The following PIWIL1 variants were observed in gnomAD, a reference collection of about 807,000 sequenced individuals.
PIWIL1 encodes the protein piwi like RNA-mediated gene silencing 1.
PIWIL1 carries 73 observed loss-of-function variants against 114.4 expected under a neutral mutation model. The ratio of observed to expected loss-of-function variants is 0.64; its 90% CI spans 0.53 to 0.78. The LOEUF (loss-of-function observed/expected upper bound fraction) is 0.78. PIWIL1 is among the 30% of genes least tolerant of loss of function. PIWIL1 has a pLI of 0.00. For missense variants in PIWIL1, 723 were observed against 1,063.1 expected (o/e 0.68, Z 4.45); for synonymous variants, 375 against 369.0 (o/e 1.02, Z -0.19).
the PIWIL1 span, among the ~76,000 whole-genome samples, chr12:130,377,761 G>A: frequency 1.3e-5 from 2 of 152,200 alleles, no homozygotes; most frequent in African/African-American, 4.8e-5. Context: ...GCTGTGGCAG[G>A]GCCTGAGGTA....
At chr12:130,399,661 C>G in the PIWIL1 span, 8 of 1,613,690 alleles carry the variant, frequency 5.0e-6, no homozygotes, top group South Asian at 6.6e-5. Context: ...ATTAAAAAGG[C>G]TAAATAGGTT....
the PIWIL1 span, among the ~76,000 whole-genome samples, chr12:130,380,012 G>C: frequency 2.8e-3 from 165 of 58,672 alleles, no homozygotes; most frequent in Admixed American, 0.013. Flanking sequence ...CCTCATCCCA[G>C]TTCCCATCCA....
chr12:130,416,849 A>G, the PIWIL1 span, among the ~76,000 whole-genome samples: 2 of 152,242 alleles, frequency 1.3e-5, no homozygotes, highest in South Asian at 4.1e-4. Context: ...GGAATCTGCA[A>G]GGAACTTAAA....
chr12:130,386,103 G>T, the PIWIL1 span, among the ~76,000 whole-genome samples: 1 of 152,168 alleles, frequency 6.6e-6, no homozygotes, highest in South Asian at 2.1e-4. Flanking sequence ...GTTGTGGTTT[G>T]CTTCAGACTT....
chr12:130,400,412 T>G, the PIWIL1 span, among the ~76,000 whole-genome samples: 2 of 152,202 alleles, frequency 1.3e-5, no homozygotes, highest in Non-Finnish European at 2.9e-5. Context: ...TATATATCCT[T>G]CCAGATCTTT....
chr12:130,349,760 T>C, intron 8 of PIWIL1, 96 bp from the exon 9 acceptor site: 1 of 734,480 alleles, frequency 1.4e-6, no homozygotes, highest in South Asian at 2.0e-5. Flanking sequence ...ACCAGGTGAT[T>C]TGAAATTTTA....
intron 18 of PIWIL1, among the ~76,000 whole-genome samples, chr12:130,364,103 A>G (rs1285411337): frequency 6.6e-6 from 1 of 152,198 alleles, no homozygotes; most frequent in East Asian, 1.9e-4. Flanking sequence ...AGTTACGTTA[A>G]CTAGTCCTCT....
the PIWIL1 span, among the ~76,000 whole-genome samples, chr12:130,422,999 C>T: frequency 3.3e-5 from 5 of 152,178 alleles, no homozygotes; most frequent in Admixed American, 2.0e-4. The surrounding 1 kb of genome is among the most constrained non-coding windows in gnomAD (Gnocchi z 5.2). Context: ...GGATAAAAGT[C>T]GTATGTGAGG....
intron 19 of PIWIL1, among the ~76,000 whole-genome samples, chr12:130,369,833 G>A (rs1222762751): frequency 6.6e-6 from 1 of 152,132 alleles, no homozygotes; most frequent in Non-Finnish European, 1.5e-5. Context: ...CATTCTGCAG[G>A]TTGTCTGTTC....
chr12:130,371,205 T>C lies in PIWIL1; in HGVS notation c.2351T>C (p.Val784Ala). The C allele has an allele frequency of 6.2e-7, 1 of 1,614,206 alleles. No individual in the cohort carries two copies. The highest frequency in any genetic ancestry group is 1.1e-5 in the South Asian group (1 of 91,080). ...WYDFFIVSQA[V>A]RSGSVSPTHY... ...GACTTTTTTATCGTGAGCCAGGCTG[T>C]GAGAAGTGGTAGTGTTTCTCCCACA... Residue 784 changes from valine (V) to alanine (A), a missense_variant, in exon 20 of 21, where the codon GTG (valine) becomes GCG (alanine). By Grantham distance (64) the Val-to-Ala change is moderately conservative (BLOSUM62 0). Coordinates refer to ENST00000245255, the MANE Select transcript of PIWIL1 (RefSeq NM_004764.5).
chr12:130,412,610 T>G, the PIWIL1 span: 1 of 1,613,016 alleles, frequency 6.2e-7, no homozygotes, highest in Admixed American at 1.7e-5. Flanking sequence ...AATAGGGGTT[T>G]GCGCTTACCT....
chr12:130,339,795 C>G (rs1477735219), intron 1 of PIWIL1: 1 of 152,132 alleles, frequency 6.6e-6, no homozygotes, highest in Non-Finnish European at 1.5e-5. Flanking sequence ...GCTTCTAACT[C>G]GGGAGGGCTG....
the PIWIL1 span, among the ~76,000 whole-genome samples, chr12:130,381,930 C>T: frequency 1.4e-3 from 211 of 152,310 alleles, 1 homozygote; most frequent in African/African-American, 4.2e-3. Context: ...CCTATGCACA[C>T]TTGCCATCTG....
downstream of PIWIL1, among the ~76,000 whole-genome samples, chr12:130,374,412 T>C (rs1463417503): frequency 4.6e-5 from 7 of 152,240 alleles, no homozygotes; most frequent in African/African-American, 7.2e-5. Flanking sequence ...TTAATTTTCT[T>C]TACCTTCATT....
chr12:130,388,239 G>A, the PIWIL1 span, among the ~76,000 whole-genome samples: 131 of 152,140 alleles, frequency 8.6e-4, no homozygotes, highest in East Asian at 6.2e-3. Context: ...TCAGCCTCCC[G>A]AGTAGCTGGG....
At position 130,371,831 on chromosome 12, in the gene PIWIL1, T is replaced by A. The variant is rs2073823565; in HGVS notation, c.*233T>A. 2 of 284,300 alleles carry A rather than the reference T, an allele frequency of 7.0e-6. No homozygotes were observed. Among genetic ancestry groups the A allele is most frequent in the Non-Finnish European group, 1.3e-5 (2 of 153,178 alleles). 17.6% of individuals were successfully genotyped at this position (284,300 alleles called of 1,614,324 possible). ...TTCTCATAGATATTTTGTGAGCATT[T>A]TTTTGTTTATTTTGAAGAAATGTGG... On this transcript the variant is annotated 3_prime_UTR_variant, in exon 21 of 21. Coordinates refer to ENST00000245255, the MANE Select transcript of PIWIL1 (RefSeq NM_004764.5).
chr12:130,387,617 C>T, the PIWIL1 span, among the ~76,000 whole-genome samples: 2 of 133,224 alleles, frequency 1.5e-5, no homozygotes, highest in Non-Finnish European at 3.2e-5. Context: ...GCACACTACC[C>T]CTTCCTGTCT....
the PIWIL1 span, among the ~76,000 whole-genome samples, chr12:130,395,372 A>AAT: frequency 3.9e-5 from 6 of 152,216 alleles, no homozygotes; most frequent in Non-Finnish European, 8.8e-5. Flanking sequence ...TGGAATGAGT[A>AAT]ATTAAATGTG....
At chr12:130,369,933 G>A (rs1459035675) in intron 19 of PIWIL1, among the ~76,000 whole-genome samples, 1 of 152,084 alleles carries the variant, frequency 6.6e-6, no homozygotes, top group Non-Finnish European at 1.5e-5. Flanking sequence ...CAACTGAGAA[G>A]CCCGCTCTTA....
Sources: allele counts gnomAD v4.1 joint callset (sites outside exome capture counted in the v4.1 genomes callset), GRCh38; gene constraint gnomAD v4.1.1; non-coding constraint Gnocchi (gnomAD v3.1); transcripts MANE v1.5; gene names NCBI Gene and HGNC (gene_info 2026-07-23, HGNC 2026-07-21).